Variants in FAP observed in about 807,000 individuals in gnomAD.
FAP encodes fibroblast activation protein alpha, also known as prolyl endopeptidase FAP.
In FAP, 110 loss-of-function variants were observed where a neutral mutation model predicts 126.5. The ratio of observed to expected loss-of-function variants is 0.87; its 90% CI spans 0.74 to 1.02. The LOEUF is 1.02. FAP is among the 50% of genes least tolerant of loss of function. The probability of loss-of-function intolerance (pLI) is 0.00; values close to 1 mark genes in which losing one functional copy is unlikely to be tolerated. For synonymous variants in FAP, 334 were observed against 297.3 expected (o/e 1.12, Z -1.27); for missense variants, 919 against 909.2 (o/e 1.01, Z -0.14).
chr2:162,224,516 C>T lies in FAP; in HGVS notation c.310G>A (p.Gly104Ser), dbSNP rs1197855170. ...ACAAATTGCCGATCAGGTGATAAGC[C>T]GTAATTTGAAGCATTCACACTTTTC... ...TMKSVNASNY[G>S]LSPDRQFVYL... is the part of the protein sequence containing the mutation. The change falls in exon 5 of 26, where the codon GGC becomes AGC. Residue 104 changes from glycine to serine, a missense_variant. Coordinates refer to ENST00000188790, the MANE Select transcript of FAP (RefSeq NM_004460.5). 6.9e-6 allele frequency: 11 copies of T among 1,596,344 alleles called. No homozygotes were observed. In the African/African-American group the frequency reaches 8.1e-5, roughly 12 times the overall value.
At chr2:162,240,761 CTAAGTAGGA>C (rs1690315346) in intron 2 of FAP, among the ~76,000 whole-genome samples, 1 of 152,158 alleles carries the variant, frequency 6.6e-6, no homozygotes, top group South Asian at 2.1e-4. Flanking sequence ...GAGAAAGAGG[CTAAGTAGGA>C]GCTCGCTTAG....
intron 12 of FAP, among the ~76,000 whole-genome samples, chr2:162,208,001 T>C (rs1688777231): frequency 6.6e-6 from 1 of 151,268 alleles, no homozygotes; most frequent in Non-Finnish European, 1.5e-5. Flanking sequence ...CTCATGCCTG[T>C]AATCCCAACT....
intron 21 of FAP, among the ~76,000 whole-genome samples, chr2:162,180,659 CA>C (rs777338056): frequency 1.1e-4 from 17 of 152,158 alleles, no homozygotes; most frequent in Non-Finnish European, 2.2e-4. Context: ...GGAACAGGAA[CA>C]GGGGGAGGTT....
chr2:162,229,712 A>G lies in FAP; in HGVS notation c.92-3091T>C, dbSNP rs151175448. On this transcript the variant is annotated intron_variant, in intron 2 of 25. Transcript: ENST00000188790. Reference sequence around the variant, plus strand: ...AAAAGATTCTAAGAATTAATTATTTATTCCTTTAAACCTCTAATTTAGTTT... The same window carrying G: ...AAAAGATTCTAAGAATTAATTATTTGTTCCTTTAAACCTCTAATTTAGTTT... 6.6e-5 allele frequency among the ~76,000 whole-genome samples: 10 copies of G among 152,290 alleles called. No homozygotes were observed. In the East Asian group the frequency reaches 1.9e-3, roughly 29 times the overall value.
intron 21 of FAP, among the ~76,000 whole-genome samples, chr2:162,183,016 T>C (rs1363402994): frequency 6.6e-6 from 1 of 152,218 alleles, no homozygotes; most frequent in Non-Finnish European, 1.5e-5. Flanking sequence ...AAGGAATTTA[T>C]ATTCTGAAAG....
At chr2:162,180,570 A>C (rs1188112929) in intron 21 of FAP, among the ~76,000 whole-genome samples, 2 of 152,190 alleles carry the variant, frequency 1.3e-5, no homozygotes, top group Non-Finnish European at 2.9e-5. Flanking sequence ...AGGCAGTGTC[A>C]GTAGGGATGA....
chr2:162,235,801 C>T (rs892314229), intron 2 of FAP, among the ~76,000 whole-genome samples: 4 of 152,192 alleles, frequency 2.6e-5, no homozygotes, highest in Admixed American at 1.3e-4. Context: ...AGTGCTCACT[C>T]ATTGGGTCCA....
rs770065141 is a variant in FAP, at chr2:162,226,525, G to GA, written c.187dup (p.Ser63PhefsTer12). Reference sequence around the variant, plus strand: ...CTAAAGATAAATAATGCACTTACCTGAAATCCAGTTTGGAAAAAATGTTTT... The same window carrying GA: ...CTAAAGATAAATAATGCACTTACCTGAAAATCCAGTTTGGAAAAAATGTTTT... On this transcript the variant is annotated frameshift_variant, in exon 3 of 26. Coordinates refer to ENST00000188790, the MANE Select transcript of FAP (RefSeq NM_004460.5). LOFTEE classifies it high-confidence loss of function. The GA allele has an allele frequency of 6.5e-7, 1 of 1,534,458 alleles. No individual in the cohort carries two copies. Among genetic ancestry groups the GA allele is most frequent in the Non-Finnish European group, 8.9e-7 (1 of 1,118,716 alleles).
At chr2:162,172,731 T>A in intron 25 of FAP, 80 bp downstream of exon 25, 1 of 909,560 alleles carries the variant, frequency 1.1e-6, no homozygotes, top group Non-Finnish European at 1.8e-6. Flanking sequence ...CTTTAAAAGT[T>A]AAAAAAAATA....
intron 12 of FAP, among the ~76,000 whole-genome samples, chr2:162,208,384 T>C (rs546988964): frequency 6.6e-6 from 1 of 152,214 alleles, no homozygotes; most frequent in Admixed American, 6.5e-5. Flanking sequence ...CTTATAAATA[T>C]GAGCTTTCAA....
intron 16 of FAP, among the ~76,000 whole-genome samples, chr2:162,195,462 A>AC (rs930875523): frequency 7.3e-5 from 11 of 150,740 alleles, no homozygotes; most frequent in East Asian, 2.0e-4. Context: ...ATGGAGCTTT[A>AC]CCCCCCTAGC....
rs916462072 is a variant in FAP at position 162,201,904 on chromosome 2, G to A, written c.1223+968C>T. 2.0e-5 allele frequency among the ~76,000 whole-genome samples: 3 copies of A among 152,144 alleles called. No homozygotes were observed. In the South Asian group the frequency reaches 6.2e-4, roughly 32 times the overall value. On this transcript the variant is annotated intron_variant, in intron 14 of 25. Transcript: ENST00000188790. ...CTCCTCAACACATCATGCCTGAAAT[G>A]AATCTCCCACCTGTTTTGAACATGT...
chr2:162,217,972 A>G lies in FAP; in HGVS notation c.762+14T>C. 1 of 1,543,624 alleles carries G rather than the reference A, an allele frequency of 6.5e-7. No homozygotes were observed. Among genetic ancestry groups the G allele is most frequent in the Non-Finnish European group, 8.7e-7 (1 of 1,143,604 alleles). ...CCAGGAAAATGAAAGCATCGCTGAAAGTATTCAACATACCTTTGGGTATGG... is the reference window on the plus strand; with the variant it reads ...CCAGGAAAATGAAAGCATCGCTGAAGGTATTCAACATACCTTTGGGTATGG... On this transcript the variant is annotated intron_variant, in intron 9 of 25. Coordinates refer to ENST00000188790, the MANE Select transcript of FAP (RefSeq NM_004460.5).
At chr2:162,233,263 C>G (rs1337241145) in intron 2 of FAP, among the ~76,000 whole-genome samples, 2 of 152,078 alleles carry the variant, frequency 1.3e-5, no homozygotes, top group African/African-American at 4.8e-5. Context: ...TGTAGTTTCT[C>G]AATACAAACA....
At chr2:162,213,770 A>G (rs1689055675) in intron 11 of FAP, among the ~76,000 whole-genome samples, 168 bp downstream of exon 11, 1 of 152,178 alleles carries the variant, frequency 6.6e-6, no homozygotes, top group Admixed American at 6.5e-5. Context: ...TATCCTATTT[A>G]TTTAATAAAA....
At chr2:162,235,906 G>A (rs973097196) in intron 2 of FAP, among the ~76,000 whole-genome samples, 3 of 152,178 alleles carry the variant, frequency 2.0e-5, no homozygotes, top group African/African-American at 7.2e-5. Context: ...CGGACACAGT[G>A]TGACATTAGC....
chr2:162,185,201 G>A (rs1687822651), intron 20 of FAP, among the ~76,000 whole-genome samples: 1 of 152,154 alleles, frequency 6.6e-6, no homozygotes, highest in African/African-American at 2.4e-5. Context: ...TAATCTTGGA[G>A]TCTGGATTGA....
At chr2:162,235,102 C>T (rs976068720) in intron 2 of FAP, among the ~76,000 whole-genome samples, 2 of 152,026 alleles carry the variant, frequency 1.3e-5, no homozygotes, top group Admixed American at 1.3e-4. Flanking sequence ...GGACCTGCAG[C>T]CAACCATGCC....
chr2:162,183,522 A>G lies in FAP; in HGVS notation c.1815-54T>C, dbSNP rs1687763311. 4.1e-6 allele frequency: 4 copies of G among 964,858 alleles called. No homozygotes were observed. The East Asian group carries it at 9.7e-5, about 23-fold the overall frequency. 59.8% of individuals were successfully genotyped at this position (964,858 alleles called of 1,614,324 possible). The stretch of plus-strand genomic sequence containing the variant: ...TGTTAAGTGTATACACATGACATTT[A>G]CTTCATTACACAACCATATTTAATC... On this transcript the variant is annotated intron_variant, in intron 20 of 25. Coordinates refer to ENST00000188790, the MANE Select transcript of FAP (RefSeq NM_004460.5).
Sources: allele counts gnomAD v4.1 joint callset (sites outside exome capture counted in the v4.1 genomes callset), GRCh38; gene constraint gnomAD v4.1.1; transcripts MANE v1.5; gene names NCBI Gene and HGNC (gene_info 2026-07-23, HGNC 2026-07-21).